Variants in OGA observed in about 807,000 individuals in gnomAD.
The protein encoded by OGA is protein O-GlcNAcase.
OGA carries 21 observed loss-of-function variants against 102.0 expected under a neutral mutation model. The observed-to-expected ratio is 0.21, with a 90% confidence interval of 0.15 to 0.30. OGA has a LOEUF of 0.30. Among genes scored for constraint, OGA ranks in the 10% least tolerant of loss-of-function variants. The probability of loss-of-function intolerance (pLI) is 1.00; values close to 1 mark genes in which losing one functional copy is unlikely to be tolerated. For missense variants in OGA, 765 were observed against 1,107.8 expected, an observed-to-expected ratio of 0.69 and a Z score of 4.39; for synonymous variants, 408 against 378.2, an observed-to-expected ratio of 1.08 and a Z score of -0.91.
chr10:101,817,111 C>T (rs140996213), intron 1 of OGA, among the ~76,000 whole-genome samples: 2 of 152,204 alleles, frequency 1.3e-5, no homozygotes, highest in Non-Finnish European at 2.9e-5. Context: ...TTTTCCCTCA[C>T]TACCAAAAAG....
rs959199634 is a variant in OGA, at chr10:101,791,520, G to A, written c.2176-81C>T. On this transcript the variant is annotated intron_variant, in intron 12 of 15. Coordinates refer to ENST00000361464, the MANE Select transcript of OGA (RefSeq NM_012215.5). ...CAATATAACTCACAAGTCAGTCTGG[G>A]GAGGGAGTAACAAAATGGCCTGTCA... 20 of 1,122,826 alleles carry A rather than the reference G, an allele frequency of 1.8e-5. No individual in the cohort carries two copies. In the African/African-American group the frequency reaches 2.9e-4, roughly 16 times the overall value. The allele number at this position is 1,122,826 out of a possible 1,614,324, so 69.6% of individuals were successfully genotyped here. A position where few individuals can be genotyped will look rare whatever the true frequency, so the allele number is the denominator to read the frequency against.
At chr10:101,807,145 A>G (rs1031014349) in intron 5 of OGA, among the ~76,000 whole-genome samples, 1 of 152,218 alleles carries the variant, frequency 6.6e-6, no homozygotes, top group Non-Finnish European at 1.5e-5. Context: ...ACACACAAAG[A>G]AAGTTAAATA....
At chr10:101,810,410 C>A in intron 3 of OGA, 96 bp from the exon 4 acceptor site, 1 of 1,164,018 alleles carries the variant, frequency 8.6e-7, no homozygotes, top group Non-Finnish European at 1.2e-6. Context: ...TTCTAACTTA[C>A]AAGAAAGGAA....
chr10:101,809,705 CAAAAAAAAAAAA>C (rs373690932), intron 4 of OGA, among the ~76,000 whole-genome samples: 3 of 59,086 alleles, frequency 5.1e-5, no homozygotes, highest in Non-Finnish European at 1.0e-4. Context: ...GACTCTGTCT[CAAAAAAAAAAAA>C]AAAGAAAAAA....
chr10:101,802,876 T>C (rs111514173), intron 7 of OGA, among the ~76,000 whole-genome samples: 2,132 of 150,318 alleles, frequency 0.014, 24 homozygotes, highest in Middle Eastern at 0.049. Flanking sequence ...GGGTGGCTCA[T>C]GCCTGTAATC....
chr10:101,817,299 A>G (rs2065644180), intron 1 of OGA, among the ~76,000 whole-genome samples: 1 of 152,120 alleles, frequency 6.6e-6, no homozygotes, highest in Non-Finnish European at 1.5e-5. Context: ...GCAATTTTCT[A>G]AGTTGCAAAT....
intron 7 of OGA, among the ~76,000 whole-genome samples, chr10:101,802,601 G>A (rs1158372743): frequency 1.3e-5 from 2 of 149,960 alleles, no homozygotes; most frequent in African/African-American, 2.5e-5. Context: ...CCTGGGAGGC[G>A]GAGGTTGCAG....
intron 3 of OGA, chr10:101,812,736 T>G (rs768214450): frequency 5.5e-5 from 26 of 471,908 alleles, no homozygotes; most frequent in Non-Finnish European, 1.0e-4. Flanking sequence ...CTCCAGCACT[T>G]CTTTGCCCAG....
intron 13 of OGA, 103 bp from the exon 14 acceptor site, chr10:101,791,191 C>G (rs1162140651): frequency 7.0e-5 from 92 of 1,315,388 alleles, no homozygotes; most frequent in Admixed American, 2.5e-5. Flanking sequence ...CTTACGGAAC[C>G]TACATTTGGT....
At chr10:101,817,754 CCCG>C (rs2065657579) in intron 1 of OGA, 67 bp downstream of exon 1, 1 of 1,499,896 alleles carries the variant, frequency 6.7e-7, no homozygotes. Context: ...CTCCAAAATC[CCCG>C]CCACCACCCT....
intron 10 of OGA, among the ~76,000 whole-genome samples, chr10:101,796,878 C>A (rs1443853117): frequency 6.6e-6 from 1 of 152,070 alleles, no homozygotes; most frequent in Non-Finnish European, 1.5e-5. Flanking sequence ...GGGTGAGCAA[C>A]CGCGCCCGAA....
intron 8 of OGA, 130 bp from the exon 9 acceptor site, chr10:101,799,585 A>G: frequency 1.0e-6 from 1 of 966,546 alleles, no homozygotes; most frequent in East Asian, 2.6e-5. Context: ...GATCCAAATT[A>G]ATTTGACCTC....
chr10:101,790,950 G>A lies in OGA; in HGVS notation c.2400C>T (p.Phe800=), dbSNP rs752549317. 6.2e-7 allele frequency: 1 copy of A among 1,613,594 alleles called. No homozygotes were observed. The highest frequency in any genetic ancestry group is 1.3e-5 in the African/African-American group (1 of 75,008). The change falls in exon 14 of 16, where the codon TTC becomes TTT. Residue 800 remains phenylalanine (F), a synonymous_variant. Transcript: ENST00000361464. Reference sequence around the variant, plus strand: ...TTGGCTTGGTATACTTCTCCTGCATGAAGGGGATCCAGGAAATTTTACATT... The same window carrying A: ...TTGGCTTGGTATACTTCTCCTGCATAAAGGGGATCCAGGAAATTTTACATT... ...IKKCKISWIP[F]MQEKYTKPNG...
rs974439778 is a variant in OGA at position 101,818,414 on chromosome 10, T to G, written c.-392A>C. ...AAGCCCCGAGCTCTCCCTCTGCTGC[T>G]GCCTCCACCGCCCGCTTCCTGTTTA... On this transcript the variant is annotated 5_prime_UTR_variant, in exon 1 of 16. Transcript: ENST00000361464. 30 of 1,014,528 alleles carry G rather than the reference T, an allele frequency of 3.0e-5. No homozygotes were observed. In the South Asian group the frequency reaches 9.0e-4, roughly 30 times the overall value. The allele number at this position is 1,014,528 out of a possible 1,614,324, so 62.8% of individuals were successfully genotyped here. A position where few individuals can be genotyped will look rare whatever the true frequency, so the allele number is the denominator to read the frequency against.
At chr10:101,792,678 C>A in intron 12 of OGA, 161 bp downstream of exon 12, 1 of 548,218 alleles carries the variant, frequency 1.8e-6, no homozygotes, top group Non-Finnish European at 3.2e-6. Context: ...AGTCTAAACT[C>A]CTTAAATTTC....
intron 10 of OGA, chr10:101,797,364 G>A (rs537526332): frequency 2.0e-5 from 3 of 152,212 alleles, no homozygotes; most frequent in South Asian, 2.1e-4. Context: ...GTGTTCAAAG[G>A]AGACATACAA....
Position 101,818,366 on chromosome 10 carries a change from A to G in OGA, c.-344T>C, listed in dbSNP as rs1452929646. ...CCTCTGCTGCCCTCCCGATAATCTT[A>G]GGTCTTCCGCTGTTTCCCCTCCAAG... On this transcript the variant is annotated 5_prime_UTR_variant, in exon 1 of 16. Transcript: ENST00000361464. 46 of 1,066,430 alleles carry G rather than the reference A, an allele frequency of 4.3e-5. No homozygotes were observed. Among genetic ancestry groups the G allele is most frequent in the Non-Finnish European group, 5.1e-5 (45 of 880,902 alleles). 66.1% of individuals were successfully genotyped at this position (1,066,430 alleles called of 1,614,324 possible).
chr10:101,815,255 A>T (rs2065606533), intron 1 of OGA, among the ~76,000 whole-genome samples: 3 of 152,166 alleles, frequency 2.0e-5, no homozygotes, highest in African/African-American at 7.2e-5. Flanking sequence ...ATCTAATGTT[A>T]GCCTCTCACA....
intron 10 of OGA, among the ~76,000 whole-genome samples, chr10:101,795,327 A>C (rs1211233627): frequency 6.6e-6 from 1 of 152,218 alleles, no homozygotes; most frequent in Non-Finnish European, 1.5e-5. Flanking sequence ...CGCTGCGCAA[A>C]CGTGACTTCA....
Sources: gnomAD v4.1 joint callset for allele counts (sites outside exome capture counted in the v4.1 genomes callset) on GRCh38, gnomAD v4.1.1 for gene constraint, MANE v1.5 for transcripts, NCBI Gene and HGNC (gene_info 2026-07-23, HGNC 2026-07-21) for gene names.